Variants in GRM6 observed in about 807,000 individuals in gnomAD.
GRM6 encodes the protein metabotropic glutamate receptor 6.
GRM6 carries 73 observed loss-of-function variants against 78.4 expected under a neutral mutation model. The ratio of observed to expected loss-of-function variants is 0.93; its 90% confidence interval spans 0.77 to 1.13. GRM6 has a LOEUF of 1.13. Ranked by LOEUF, GRM6 falls within the 50% of genes most tolerant of loss-of-function variation. The pLI is 0.00. For missense variants in GRM6, 1,251 were observed against 1,256.4 expected (o/e 1.00, Z 0.07); for synonymous variants, 580 against 555.0 (o/e 1.05, Z -0.63).
Position 178,994,518 on chromosome 5 carries a change from CG to C in GRM6, c.426del (p.Glu143SerfsTer66). 10 of 1,402,080 alleles carry C rather than the reference CG, an allele frequency of 7.1e-6. No homozygotes were observed. Among genetic ancestry groups the C allele is most frequent in the Admixed American group, 3.2e-5 (1 of 31,100 alleles). 86.9% of individuals were successfully genotyped at this position (1,402,080 alleles called of 1,614,324 possible). On this transcript the variant is annotated frameshift_variant, in exon 2 of 11. Transcript: ENST00000517717. LOFTEE classifies it high-confidence loss of function. ...GGVPPLRPAP[P>X]ERVVAVVGAS... ...GCGCCCACGACGGCCACGACGCGCTCGGGGGGCGCGGGGCGCAGCGGAGGGA... is the reference window on the plus strand; with the variant it reads ...GCGCCCACGACGGCCACGACGCGCTCGGGGGCGCGGGGCGCAGCGGAGGGA...
At position 178,981,597 on chromosome 5, in the gene GRM6, C is replaced by T; in HGVS notation, c.*60G>A. 3 of 1,337,092 alleles carry T rather than the reference C, an allele frequency of 2.2e-6. No homozygotes were observed. Among genetic ancestry groups the T allele is most frequent in the South Asian group, 1.2e-5 (1 of 83,314 alleles). The allele number at this position is 1,337,092 out of a possible 1,614,324, so 82.8% of individuals were successfully genotyped here. A position where few individuals can be genotyped will look rare whatever the true frequency, so the allele number is the denominator to read the frequency against. On this transcript the variant is annotated 3_prime_UTR_variant, in exon 11 of 11. Transcript: ENST00000517717. This position sits in a 1 kb window ranked among gnomAD's most constrained non-coding sequence, Gnocchi z 5.1. ...GTGGACCCGGGCTCTATACAGCTTC[C>T]ACCTCGAGGCAAGAGGAAGAAAGGA...
rs1018198532 is a variant in GRM6, at chr5:178,986,603, C to T, written c.1651G>A (p.Asp551Asn). 1.2e-6 allele frequency: 2 copies of T among 1,604,516 alleles called. No individual in the cohort carries two copies. The highest frequency in any genetic ancestry group is 1.7e-6 in the Non-Finnish European group (2 of 1,179,888). The change falls in exon 9 of 11, where the codon GAC (aspartate) becomes AAC (asparagine). Residue 551 changes from aspartate to asparagine, a missense_variant. By Grantham distance (23) the Asp-to-Asn change is conservative. Coordinates refer to ENST00000517717, the MANE Select transcript of GRM6 (RefSeq NM_000843.4). Reference protein sequence around the residue: ...EACDGYRFQVDEFTCEACPGD... With the variant: ...EACDGYRFQVNEFTCEACPGD... ...GGACAGGCCTCGCATGTGAACTCGT[C>T]CACCTGGAAGCGGTACCCGTCACAG...
chr5:178,994,583 C>T lies in GRM6; in HGVS notation c.362G>A (p.Gly121Asp). Reference protein sequence around the residue: ...SFVQALIRGRGDGDEVGVRCP... With the variant: ...SFVQALIRGRDDGDEVGVRCP... ...GCGCACGCCCACCTCGTCGCCGTCG[C>T]CGCGGCCGCGGATCAGCGCCTGCAC... Residue 121 changes from glycine (G) to aspartate (D), a missense_variant, in exon 2 of 11, where the codon GGC becomes GAC. Physicochemically the swap from Gly to Asp is moderately conservative, Grantham distance 94 (BLOSUM62 -1). Coordinates refer to ENST00000517717, the MANE Select transcript of GRM6 (RefSeq NM_000843.4). The T allele has an allele frequency of 7.5e-7, 1 of 1,339,352 alleles. No homozygotes were observed. The highest frequency in any genetic ancestry group is 9.5e-7 in the Non-Finnish European group (1 of 1,049,396). The allele number at this position is 1,339,352 out of a possible 1,614,324, so 83.0% of individuals were successfully genotyped here. A position where few individuals can be genotyped will look rare whatever the true frequency, so the allele number is the denominator to read the frequency against.
Position 178,986,694 on chromosome 5 carries a change from C to T in GRM6, c.1560G>A (p.Leu520=), listed in dbSNP as rs1760566087. The part of the protein sequence containing the change: ...PHEVPSSLCS[L]PCGPGERKKM... ...TCTTCCGCTCCCCCGGCCCGCAGGGCAGGCTGCACAGAGACGAGGGCACCT... is the reference window on the plus strand; with the variant it reads ...TCTTCCGCTCCCCCGGCCCGCAGGGTAGGCTGCACAGAGACGAGGGCACCT... Residue 520 remains leucine, a synonymous_variant, in exon 9 of 11, where the codon CTG becomes CTA. Coordinates refer to ENST00000517717, the MANE Select transcript of GRM6 (RefSeq NM_000843.4). 3 of 1,604,316 alleles carry T rather than the reference C, an allele frequency of 1.9e-6. No individual in the cohort carries two copies. The highest frequency in any genetic ancestry group is 2.5e-6 in the Non-Finnish European group (3 of 1,179,828).
chr5:178,985,457 AC>A (rs762656727), intron 9 of GRM6, among the ~76,000 whole-genome samples: 1 of 151,708 alleles, frequency 6.6e-6, no homozygotes, highest in Non-Finnish European at 1.5e-5. Flanking sequence ...TCATCCCAGC[AC>A]TTTGGGAGGC....
chr5:178,991,455 T>G lies in GRM6; in HGVS notation c.826A>C (p.Ile276Leu). The G allele has an allele frequency of 1.2e-6, 2 of 1,613,952 alleles. No individual in the cohort carries two copies. Among genetic ancestry groups the G allele is most frequent in the Non-Finnish European group, 1.7e-6 (2 of 1,179,886 alleles). Residue 276 changes from isoleucine (I) to leucine (L), a missense_variant, in exon 4 of 11, where the codon ATC becomes CTC. By Grantham distance (5) the Ile-to-Leu change is conservative. Coordinates refer to ENST00000517717, the MANE Select transcript of GRM6 (RefSeq NM_000843.4). This position sits in a 1 kb window ranked among gnomAD's most constrained non-coding sequence, Gnocchi z 5.0. ...RLMETPNARG[I>L]IIFANEDDIR... ...TCATCCTCATTGGCAAAGATGATGA[T>G]GCCCCGGGCGTTGGGCGTCTCCATG...
In GRM6 at chr5:178,985,016, T is replaced by C. The variant is rs60948868; in HGVS notation, c.2124+1114A>G. Among the ~76,000 whole-genome samples the C allele has an allele frequency of 8.7e-4, 133 of 152,106 alleles. 2 individuals are homozygous for C. The East Asian group carries it at 0.02, about 23-fold the overall frequency. Reference sequence around the variant, plus strand: ...GTCTCCAAGGCTGTAATAACTTTACTGTCTTAGGAAAATCCCCCAAAGGAG... The same window carrying C: ...GTCTCCAAGGCTGTAATAACTTTACCGTCTTAGGAAAATCCCCCAAAGGAG... On this transcript the variant is annotated intron_variant, in intron 9 of 10. Coordinates refer to ENST00000517717, the MANE Select transcript of GRM6 (RefSeq NM_000843.4).
Position 178,994,421 on chromosome 5 carries a change from C to G in GRM6, c.504+20G>C, listed in dbSNP as rs572890701. ...CGGGAGAGGGACGCTGGACACCGAG[C>G]CCGGCCCCGCGGCCCTCACCGCAAA... On this transcript the variant is annotated intron_variant, in intron 2 of 10. Coordinates refer to ENST00000517717, the MANE Select transcript of GRM6 (RefSeq NM_000843.4). 963 of 1,488,554 alleles carry G rather than the reference C, an allele frequency of 6.5e-4. 6 individuals are homozygous for G. The African/African-American group carries it at 0.012, about 19-fold the overall frequency. 92.2% of individuals were successfully genotyped at this position (1,488,554 alleles called of 1,614,324 possible).
Position 178,983,102 on chromosome 5 carries a change from A to G in GRM6, c.2244T>C (p.Asp748=). 6.2e-7 allele frequency: 1 copy of G among 1,613,990 alleles called. No individual in the cohort carries two copies. The change falls in exon 10 of 11, where the codon GAT becomes GAC. Residue 748 remains aspartate (D), a synonymous_variant. Coordinates refer to ENST00000517717, the MANE Select transcript of GRM6 (RefSeq NM_000843.4). The stretch of plus-strand genomic sequence containing the variant: ...AGCCCAGGCAGCCGATGAGAGACAG[A>G]TCCGACATGTCGCACTTGAGCACCC... ...ARGVLKCDMS[D]LSLIGCLGYS...
In GRM6 at chr5:178,988,836, T is replaced by C; in HGVS notation, c.1354+99A>G. Reference sequence around the variant, plus strand: ...GGCACCCCCATTAGACCACTCAGCCTCACCCAGCCCTTCCACCCTGAGGTT... The same window carrying C: ...GGCACCCCCATTAGACCACTCAGCCCCACCCAGCCCTTCCACCCTGAGGTT... On this transcript the variant is annotated intron_variant, in intron 7 of 10. Transcript: ENST00000517717. The surrounding 1 kb of genome is among the most constrained non-coding windows in gnomAD (Gnocchi z 6.0). 1 of 976,532 alleles carries C rather than the reference T, an allele frequency of 1.0e-6. No homozygotes were observed. Among genetic ancestry groups the C allele is most frequent in the South Asian group, 1.5e-5 (1 of 68,478 alleles). 60.5% of individuals were successfully genotyped at this position (976,532 alleles called of 1,614,324 possible). A position where few individuals can be genotyped will look rare whatever the true frequency, so the allele number is the denominator to read the frequency against.
At position 178,994,480 on chromosome 5, in the gene GRM6, G is replaced by C; in HGVS notation, c.465C>G (p.Ser155=). The change falls in exon 2 of 11, where the codon TCC becomes TCG. Residue 155 remains serine (S), a synonymous_variant. Coordinates refer to ENST00000517717, the MANE Select transcript of GRM6 (RefSeq NM_000843.4). The stretch of plus-strand genomic sequence containing the variant: ...GCACGTTGGCGACCATGATGGAGAC[G>C]GAGCTGGCCGAGGCGCCCACGACGG... ...VVAVVGASAS[S]VSIMVANVLR... is the part of the protein sequence containing the mutation. 2 of 1,466,648 alleles carry C rather than the reference G, an allele frequency of 1.4e-6. No homozygotes were observed. Among genetic ancestry groups the C allele is most frequent in the Non-Finnish European group, 1.8e-6 (2 of 1,114,340 alleles). 90.9% of individuals were successfully genotyped at this position (1,466,648 alleles called of 1,614,324 possible).
At chr5:178,990,476 A>T in intron 5 of GRM6, 116 bp downstream of exon 5, 2 of 873,892 alleles carry the variant, frequency 2.3e-6, no homozygotes, top group South Asian at 2.8e-5. Flanking sequence ...GGATCTGGGG[A>T]TCTGAGAAGG....
Position 178,994,807 on chromosome 5 carries a change from C to G in GRM6, c.138G>C (p.Pro46=), listed in dbSNP as rs771760341. 2.3e-6 allele frequency: 3 copies of G among 1,279,654 alleles called. No homozygotes were observed. The highest frequency in any genetic ancestry group is 3.1e-5 in the African/African-American group (2 of 63,952). 79.3% of individuals were successfully genotyped at this position (1,279,654 alleles called of 1,614,324 possible). Residue 46 remains proline (P), a synonymous_variant, in exon 2 of 11, where the codon CCG becomes CCC. Transcript: ENST00000517717. ...GGCCCGCCGCGCCCCGCGCGTGCAC[C>G]GGGAACAGGCCGCCCAGCGTCAGGC... ...AGGLTLGGLF[P]VHARGAAGRA... is the part of the protein sequence containing the mutation.
In GRM6 at chr5:178,986,218, A is replaced by G; in HGVS notation, c.2036T>C (p.Phe679Ser). Reference protein sequence around the residue: ...LTKTNRIYRIFEQGKRSVTPP... With the variant: ...LTKTNRIYRISEQGKRSVTPP... ...TGTGACCGAGCGCTTGCCCTGCTCA[A>G]AGATGCGGTAGATACGGTTGGTCTT... The change falls in exon 9 of 11, where the codon TTT becomes TCT. Residue 679 changes from phenylalanine (F) to serine (S), a missense_variant. By Grantham distance (155) the Phe-to-Ser change is radical. Coordinates refer to ENST00000517717, the MANE Select transcript of GRM6 (RefSeq NM_000843.4). 6.2e-7 allele frequency: 1 copy of G among 1,614,164 alleles called. No homozygotes were observed. Among genetic ancestry groups the G allele is most frequent in the African/African-American group, 1.3e-5 (1 of 75,052 alleles).
rs958979347 is a variant in GRM6 at position 178,994,552 on chromosome 5, C to G, written c.393G>C (p.Pro131=). 31 of 1,351,038 alleles carry G rather than the reference C, an allele frequency of 2.3e-5. No homozygotes were observed. In the African/African-American group the frequency reaches 3.8e-4, roughly 17 times the overall value. The allele number at this position is 1,351,038 out of a possible 1,614,324, so 83.7% of individuals were successfully genotyped here. A position where few individuals can be genotyped will look rare whatever the true frequency, so the allele number is the denominator to read the frequency against. The change falls in exon 2 of 11, where the codon CCG becomes CCC. Residue 131 remains proline (P), a synonymous_variant. Coordinates refer to ENST00000517717, the MANE Select transcript of GRM6 (RefSeq NM_000843.4). The part of the protein sequence containing the change: ...GDGDEVGVRC[P]GGVPPLRPAP... ...CGGGGCGCAGCGGAGGGACGCCTCC[C>G]GGGCAGCGCACGCCCACCTCGTCGC...
Position 178,994,444 on chromosome 5 carries a change from A to C in GRM6, c.501T>G (p.Phe167Leu). 6.7e-7 allele frequency: 1 copy of C among 1,492,204 alleles called. No individual in the cohort carries two copies. The highest frequency in any genetic ancestry group is 1.3e-5 in the South Asian group (1 of 79,812). 92.4% of individuals were successfully genotyped at this position (1,492,204 alleles called of 1,614,324 possible). A position where few individuals can be genotyped will look rare whatever the true frequency, so the allele number is the denominator to read the frequency against. The change falls in exon 2 of 11, where the codon TTT (phenylalanine) becomes TTG (leucine). Residue 167 changes from phenylalanine (F) to leucine (L), a missense_variant. Physicochemically the swap from Phe to Leu is conservative, Grantham distance 22. Coordinates refer to ENST00000517717, the MANE Select transcript of GRM6 (RefSeq NM_000843.4). ...SIMVANVLRL[F>L]AIPQISYAST... is the part of the protein sequence containing the mutation. ...AGCCCGGCCCCGCGGCCCTCACCGC[A>C]AACAGGCGCAGCACGTTGGCGACCA... is the stretch of plus-strand genomic sequence containing the variant.
intron 9 of GRM6, among the ~76,000 whole-genome samples, chr5:178,985,091 G>A (rs939039584): frequency 6.6e-6 from 1 of 152,144 alleles, no homozygotes; most frequent in African/African-American, 2.4e-5. Context: ...GATGGAATTC[G>A]ATGCTCTTCC....
rs1266532515 is a variant in GRM6, at chr5:178,991,221, C to T, written c.857+203G>A. On this transcript the variant is annotated intron_variant, in intron 4 of 10. Transcript: ENST00000517717. The surrounding 1 kb of genome is among the most constrained non-coding windows in gnomAD (Gnocchi z 5.0). ...ACAGACACATGTTCTGTGCGCTATT[C>T]AGTCTGGGCTTGTGGCATCTCCCCA... Among the ~76,000 whole-genome samples, 5 of 152,148 alleles carry T rather than the reference C, an allele frequency of 3.3e-5. No homozygotes were observed. The highest frequency in any genetic ancestry group is 7.4e-5 in the Non-Finnish European group (5 of 68,024).
chr5:178,981,412 T>C lies in GRM6; in HGVS notation c.*245A>G. ...CTTTCTAGAGCTAGAACCTTCTCGGTGGCTGTTTCCCACCATGGGAAGCGA... is the reference window on the plus strand; with the variant it reads ...CTTTCTAGAGCTAGAACCTTCTCGGCGGCTGTTTCCCACCATGGGAAGCGA... On this transcript the variant is annotated 3_prime_UTR_variant, in exon 11 of 11. Coordinates refer to ENST00000517717, the MANE Select transcript of GRM6 (RefSeq NM_000843.4). This position sits in a 1 kb window ranked among gnomAD's most constrained non-coding sequence, Gnocchi z 5.1. The C allele has an allele frequency of 3.7e-6, 2 of 542,300 alleles. No individual in the cohort carries two copies. Among genetic ancestry groups the C allele is most frequent in the South Asian group, 4.5e-5 (2 of 44,046 alleles). The allele number at this position is 542,300 out of a possible 1,614,324, so 33.6% of individuals were successfully genotyped here. A position where few individuals can be genotyped will look rare whatever the true frequency, so the allele number is the denominator to read the frequency against.
Sources: gnomAD v4.1 joint callset for allele counts (sites outside exome capture counted in the v4.1 genomes callset) on GRCh38, gnomAD v4.1.1 for gene constraint, Gnocchi (gnomAD v3.1) non-coding constraint, MANE v1.5 for transcripts, NCBI Gene and HGNC (gene_info 2026-07-23, HGNC 2026-07-21) for gene names.